Variants in ZHX2 observed in about 807,000 individuals in gnomAD.
ZHX2 encodes the protein zinc fingers and homeoboxes 2, also known as zinc fingers and homeoboxes protein 2.
ZHX2 carries 6 observed loss-of-function variants against 21.9 expected under a neutral mutation model. The ratio of observed to expected loss-of-function variants is 0.27; its 90% CI spans 0.15 to 0.54. The LOEUF (loss-of-function observed/expected upper bound fraction) is 0.54. ZHX2 is among the 20% of genes least tolerant of loss of function. The pLI, the probability that ZHX2 is intolerant of heterozygous loss-of-function variation, is 0.95. For synonymous variants in ZHX2, 434 were observed against 437.1 expected, an observed-to-expected ratio of 0.99 and a Z score of 0.09; for missense variants, 908 against 1,090.7, an observed-to-expected ratio of 0.83 and a Z score of 2.36.
chr8:122,900,460 C>G (rs1048265143), intron 2 of ZHX2, among the ~76,000 whole-genome samples: 5 of 152,126 alleles, frequency 3.3e-5, no homozygotes, highest in African/African-American at 1.2e-4. Context: ...ACCCCATGAC[C>G]CAAACACCTC....
chr8:122,953,318 A>G lies in ZHX2; in HGVS notation c.1808A>G (p.Asp603Gly), dbSNP rs1563603692. Residue 603 changes from aspartate (D) to glycine (G), a missense_variant, in exon 3 of 4, where the codon GAT becomes GGT. Around this residue, in one of 4 missense-constraint regions of ZHX2, gnomAD observed 431 missense variants for 428.6 expected, o/e 1.01. Transcript: ENST00000314393. This position sits in a 1 kb window ranked among gnomAD's most constrained non-coding sequence, Gnocchi z 4.6. The part of the protein sequence containing the change: ...DSMGSGKKGQ[D>G]VGAPNGALSR... ...ATGGGGTCTGGCAAAAAAGGCCAAG[A>G]TGTGGGAGCCCCCAATGGTGCTCTG... is the stretch of plus-strand genomic sequence containing the variant. The G allele has an allele frequency of 5.0e-6, 8 of 1,614,002 alleles. No homozygotes were observed. The highest frequency in any genetic ancestry group is 5.9e-6 in the Non-Finnish European group (7 of 1,180,004).
intron 1 of ZHX2, among the ~76,000 whole-genome samples, chr8:122,787,083 G>A (rs908018885): frequency 9.0e-6 from 1 of 111,578 alleles, no homozygotes; most frequent in Non-Finnish European, 1.8e-5. Context: ...GGGTTGATTG[G>A]CAGTGGTGTG....
chr8:122,971,611 C>CAAAAAAAAAAA lies in ZHX2; in HGVS notation c.*5-1620_*5-1610dup, dbSNP rs56331425. On this transcript the variant is annotated intron_variant, in intron 3 of 3. Coordinates refer to ENST00000314393, the MANE Select transcript of ZHX2 (RefSeq NM_014943.5). ...ACTCTCCTTGCTGTTGGCCCCTGTA[C>CAAAAAAAAAAA]AAAAAAAAAAAAAAAAAAAAATTCC... Among the ~76,000 whole-genome samples, 629 of 81,708 alleles carry CAAAAAAAAAAA rather than the reference C, an allele frequency of 7.7e-3. 40 individuals carry two copies. Among genetic ancestry groups the CAAAAAAAAAAA allele is most frequent in the African/African-American group, 0.021 (442 of 21,438 alleles). The allele number at this position is 81,708 out of a possible 152,430, so 53.6% of individuals were successfully genotyped here. A position where few individuals can be genotyped will look rare whatever the true frequency, so the allele number is the denominator to read the frequency against.
intron 3 of ZHX2, among the ~76,000 whole-genome samples, chr8:122,957,772 T>C (rs1253381185): frequency 3.9e-5 from 6 of 152,204 alleles, no homozygotes; most frequent in Admixed American, 6.5e-5. Flanking sequence ...CGCCCCACCA[T>C]TGGAGTTCCA....
rs147049698 is a variant in ZHX2, at chr8:122,915,857, T to C, written c.-219-35435T>C. On this transcript the variant is annotated intron_variant, in intron 2 of 3. Coordinates refer to ENST00000314393, the MANE Select transcript of ZHX2 (RefSeq NM_014943.5). ...GTGGTCTGAAGACCAAAGAAAGTGATAAATAATGTTTTGCAGGCAAGGAAA... is the reference window on the plus strand; with the variant it reads ...GTGGTCTGAAGACCAAAGAAAGTGACAAATAATGTTTTGCAGGCAAGGAAA... 9.4e-4 allele frequency among the ~76,000 whole-genome samples: 143 copies of C among 152,328 alleles called. 1 individual carries two copies. Among genetic ancestry groups the C allele is most frequent in the African/African-American group, 3.4e-3 (142 of 41,574 alleles).
At chr8:122,793,314 A>G (rs1780543698) in intron 1 of ZHX2, among the ~76,000 whole-genome samples, 1 of 152,196 alleles carries the variant, frequency 6.6e-6, no homozygotes, top group Non-Finnish European at 1.5e-5. Flanking sequence ...GGGATGAAGG[A>G]AACTGGACAT....
chr8:122,951,694 G>A lies in ZHX2; in HGVS notation c.184G>A (p.Glu62Lys). The change falls in exon 3 of 4, where the codon GAG (glutamate) becomes AAG (lysine). Residue 62 changes from glutamate to lysine, a missense_variant. Glu to Lys is a moderately conservative substitution (Grantham distance 56). Transcript: ENST00000314393. ...CTCTTCCAAAGAAAACGAAGTGATA[G>A]AGGTGAAATCTATGGGGGAAAGCCA... ...ENSSKENEVI[E>K]VKSMGESQSK... The A allele has an allele frequency of 6.2e-7, 1 of 1,614,138 alleles. No individual in the cohort carries two copies. The highest frequency in any genetic ancestry group is 8.5e-7 in the Non-Finnish European group (1 of 1,180,024).
intron 1 of ZHX2, among the ~76,000 whole-genome samples, chr8:122,820,571 C>T (rs1818124150): frequency 6.6e-6 from 1 of 152,094 alleles, no homozygotes. Context: ...GGGGAGATGC[C>T]GGATTGTGCA....
At position 122,953,499 on chromosome 8, in the gene ZHX2, C is replaced by T; in HGVS notation, c.1989C>T (p.Ala663=). The change falls in exon 3 of 4, where the codon GCC becomes GCT. Residue 663 remains alanine, a synonymous_variant. Coordinates refer to ENST00000314393, the MANE Select transcript of ZHX2 (RefSeq NM_014943.5). This position sits in a 1 kb window ranked among gnomAD's most constrained non-coding sequence, Gnocchi z 4.6. ...PTPQEYDQLA[A]KTGLVRTEIV... The stretch of plus-strand genomic sequence containing the variant: ...CCCAGGAGTACGACCAGTTAGCGGC[C>T]AAGACTGGCCTGGTCCGAACTGAGA... 1 of 1,614,200 alleles carries T rather than the reference C, an allele frequency of 6.2e-7. No individual in the cohort carries two copies. Among genetic ancestry groups the T allele is most frequent in the Non-Finnish European group, 8.5e-7 (1 of 1,180,046 alleles).
At chr8:122,805,733 A>C (rs1431807153) in intron 1 of ZHX2, among the ~76,000 whole-genome samples, 2 of 151,342 alleles carry the variant, frequency 1.3e-5, no homozygotes, top group African/African-American at 4.9e-5. Flanking sequence ...ATTGACATCG[A>C]AATTTCTAAG....
chr8:122,834,790 G>A (rs1304279914), intron 1 of ZHX2, among the ~76,000 whole-genome samples: 2 of 152,252 alleles, frequency 1.3e-5, no homozygotes, highest in South Asian at 2.1e-4. Flanking sequence ...AGAGAAAAAG[G>A]GCTGGGTTTT....
chr8:122,941,509 T>C (rs1586407809), intron 2 of ZHX2, among the ~76,000 whole-genome samples: 1 of 152,220 alleles, frequency 6.6e-6, no homozygotes, highest in Admixed American at 6.5e-5. Context: ...CATTCTGTTT[T>C]CCTTTCTTTT....
intron 1 of ZHX2, among the ~76,000 whole-genome samples, chr8:122,834,279 C>G (rs578158580): frequency 3.9e-5 from 6 of 152,304 alleles, no homozygotes; most frequent in African/African-American, 7.2e-5. Flanking sequence ...GCGGCAGGGC[C>G]GATGAGATCC....
chr8:122,924,401 C>T (rs1004740633), intron 2 of ZHX2, among the ~76,000 whole-genome samples: 3 of 152,198 alleles, frequency 2.0e-5, no homozygotes, highest in Admixed American at 6.5e-5. Flanking sequence ...GGGCTCATGC[C>T]AGTGACCTCA....
chr8:122,806,145 A>G (rs1203112007), intron 1 of ZHX2, among the ~76,000 whole-genome samples: 1 of 152,238 alleles, frequency 6.6e-6, no homozygotes, highest in Non-Finnish European at 1.5e-5. Context: ...TCAGGAAATC[A>G]AGGATGAATG....
intron 2 of ZHX2, among the ~76,000 whole-genome samples, chr8:122,898,265 G>A (rs563532105): frequency 3.3e-5 from 5 of 152,180 alleles, no homozygotes; most frequent in South Asian, 2.1e-4. Flanking sequence ...TTAAATCACC[G>A]GAAAGAAATT....
chr8:122,928,774 G>T (rs1290500921), intron 2 of ZHX2, among the ~76,000 whole-genome samples: 2 of 152,116 alleles, frequency 1.3e-5, no homozygotes, highest in Non-Finnish European at 2.9e-5. Flanking sequence ...TCACACCCTG[G>T]GCCAACGGGG....
chr8:122,823,640 C>T (rs1439666704), intron 1 of ZHX2, among the ~76,000 whole-genome samples: 3 of 152,246 alleles, frequency 2.0e-5, no homozygotes, highest in African/African-American at 7.2e-5. Flanking sequence ...AGCAGGTTCT[C>T]AGAAGCAGTC....
At chr8:122,911,498 G>A (rs994723372) in intron 2 of ZHX2, among the ~76,000 whole-genome samples, 2 of 152,178 alleles carry the variant, frequency 1.3e-5, no homozygotes, top group Non-Finnish European at 2.9e-5. Flanking sequence ...GAGGCACAGA[G>A]ACCCTGGTTT....
Sources: gnomAD v4.1 joint callset for allele counts (sites outside exome capture counted in the v4.1 genomes callset) on GRCh38, gnomAD v4.1.1 for gene constraint, gnomAD v4.1.1 regional missense constraint, Gnocchi (gnomAD v3.1) non-coding constraint, MANE v1.5 for transcripts, NCBI Gene and HGNC (gene_info 2026-07-23, HGNC 2026-07-21) for gene names.